The following KALRN variants were observed in gnomAD, a reference collection of about 807,000 sequenced individuals.
KALRN encodes kalirin RhoGEF kinase, also known as kalirin.
Under a neutral mutation model 353.7 loss-of-function variants are expected in KALRN, and 70 were observed. The ratio of observed to expected loss-of-function variants is 0.20; its 90% CI spans 0.16 to 0.24. KALRN has a LOEUF of 0.24. KALRN is among the 10% of genes least tolerant of loss of function. The probability of loss-of-function intolerance (pLI) is 1.00; values close to 1 mark genes in which losing one functional copy is unlikely to be tolerated. For synonymous variants in KALRN, 1,391 were observed against 1,434.8 expected, an observed-to-expected ratio of 0.97 and a Z score of 0.69; for missense variants, 2,791 against 3,756.7, an observed-to-expected ratio of 0.74 and a Z score of 6.72.
intron 1 of KALRN, chr3:124,164,281 T>C (rs2070463538): frequency 6.6e-6 from 1 of 152,250 alleles, no homozygotes; most frequent in East Asian, 1.9e-4. Flanking sequence ...TGCTGCCATA[T>C]TTTCCTGGCA....
chr3:124,541,718 A>C (rs1472240212), intron 33 of KALRN, among the ~76,000 whole-genome samples: 1 of 147,734 alleles, frequency 6.8e-6, no homozygotes, highest in Non-Finnish European at 1.5e-5. Flanking sequence ...CCCCATCTCT[A>C]CTAAAAAAAA....
At chr3:124,717,157 G>A (rs914405093) in intron 58 of KALRN, 90 bp from the exon 59 acceptor site, 2 of 1,277,532 alleles carry the variant, frequency 1.6e-6, no homozygotes, top group Admixed American at 2.4e-5. Context: ...GTATGAGAGA[G>A]TTTAGAGATC....
rs1361569918 is a variant in KALRN at position 124,347,320 on chromosome 3, G to GTGTA, written c.1770+56_1770+57insGTAT. 27 of 1,515,466 alleles carry GTGTA rather than the reference G, an allele frequency of 1.8e-5. 1 individual carries two copies. The East Asian group carries it at 6.1e-4, about 34-fold the overall frequency. The allele number at this position is 1,515,466 out of a possible 1,614,324, so 93.9% of individuals were successfully genotyped here. A position where few individuals can be genotyped will look rare whatever the true frequency, so the allele number is the denominator to read the frequency against. ...TGTGTGTGTGTGTGTGTGTGTGTGT[G>GTGTA]TCTAGATGAGGGAGGCATGATGACT... On this transcript the variant is annotated intron_variant, in intron 10 of 59. Coordinates refer to ENST00000682506, the MANE Select transcript of KALRN (RefSeq NM_001388419.1).
At chr3:124,584,851 A>T (rs1325023225) in intron 34 of KALRN, 7 of 1,607,218 alleles carry the variant, frequency 4.4e-6, no homozygotes, top group Non-Finnish European at 5.9e-6. Flanking sequence ...CTTACACCCG[A>T]GGTCCCTCTT....
At chr3:124,064,596 C>A (rs1370635623) in intron 1 of KALRN, among the ~76,000 whole-genome samples, 7 of 152,168 alleles carry the variant, frequency 4.6e-5, no homozygotes, top group African/African-American at 1.7e-4. Flanking sequence ...ACACTGCCCA[C>A]CTAGGGTTGA....
intron 33 of KALRN, among the ~76,000 whole-genome samples, chr3:124,509,192 T>C (rs1324113803): frequency 2.6e-5 from 4 of 152,162 alleles, no homozygotes; most frequent in African/African-American, 9.7e-5. Flanking sequence ...TGATGTGACA[T>C]ATGAGGCATC....
rs964040040 is a variant in KALRN at position 124,532,579 on chromosome 3, G to A, written c.4936-30264G>A. 3.9e-5 allele frequency among the ~76,000 whole-genome samples: 6 copies of A among 151,952 alleles called. No individual in the cohort carries two copies. In the East Asian group the frequency reaches 1.2e-3, roughly 29 times the overall value. On this transcript the variant is annotated intron_variant, in intron 33 of 59. Coordinates refer to ENST00000682506, the MANE Select transcript of KALRN (RefSeq NM_001388419.1). Reference sequence around the variant, plus strand: ...CCAGCATGCTGGGAGGCTGAGGTGGGCGGATCACTTGAGGTCAGGAGTTCA... The same window carrying A: ...CCAGCATGCTGGGAGGCTGAGGTGGACGGATCACTTGAGGTCAGGAGTTCA...
chr3:124,218,870 T>A (rs2077599106), intron 1 of KALRN, among the ~76,000 whole-genome samples: 2 of 152,242 alleles, frequency 1.3e-5, no homozygotes, highest in South Asian at 4.1e-4. Context: ...TTATTAGTGA[T>A]CTTTAATGGA....
At chr3:124,196,640 T>C (rs2075460515) in intron 1 of KALRN, among the ~76,000 whole-genome samples, 1 of 152,188 alleles carries the variant, frequency 6.6e-6, no homozygotes, top group African/African-American at 2.4e-5. Flanking sequence ...TCTAAATACA[T>C]ACACACATAT....
chr3:124,462,501 A>G lies in KALRN; in HGVS notation c.3922-23A>G, dbSNP rs377525389. The G allele has an allele frequency of 2.1e-6, 3 of 1,399,750 alleles. No individual in the cohort carries two copies. The South Asian group carries it at 3.5e-5, about 16-fold the overall frequency. The allele number at this position is 1,399,750 out of a possible 1,614,324, so 86.7% of individuals were successfully genotyped here. On this transcript the variant is annotated intron_variant, in intron 24 of 59. Transcript: ENST00000682506. ...ATATGGCCTGCCAGACTTGCCAGTG[A>G]TGAAACTGTTACTGTCTTACAGACC...
intron 1 of KALRN, among the ~76,000 whole-genome samples, chr3:124,212,627 G>C (rs1215064130): frequency 6.6e-6 from 1 of 151,980 alleles, no homozygotes; most frequent in African/African-American, 2.4e-5. Context: ...CCTTCACATA[G>C]ACATGCAGAA....
intron 51 of KALRN, among the ~76,000 whole-genome samples, chr3:124,682,945 C>T (rs2150498213): frequency 6.6e-6 from 1 of 152,266 alleles, no homozygotes; most frequent in Non-Finnish European, 1.5e-5. Context: ...CTATGCCATC[C>T]CCTCGTGGCC....
intron 33 of KALRN, among the ~76,000 whole-genome samples, chr3:124,551,764 T>C (rs542474481): frequency 6.6e-5 from 10 of 152,306 alleles, no homozygotes; most frequent in African/African-American, 2.4e-4. Context: ...ACATTCAGCA[T>C]GCATACACGT....
chr3:124,671,325 C>T lies in KALRN; in HGVS notation c.6704-335C>T, dbSNP rs77447092. Among the ~76,000 whole-genome samples, 1,135 of 152,250 alleles carry T rather than the reference C, an allele frequency of 7.5e-3. 8 individuals carry two copies. Among genetic ancestry groups the T allele is most frequent in the Non-Finnish European group, 0.012 (823 of 68,010 alleles). On this transcript the variant is annotated intron_variant, in intron 47 of 59. Transcript: ENST00000682506. ...ACCCTTGACTACTTCCTGTTCCCCT[C>T]GCCAACACGTCACACTTGCTTCCTT...
chr3:124,662,034 T>C (rs2084941821), intron 45 of KALRN, 106 bp downstream of exon 45: 6 of 875,332 alleles, frequency 6.9e-6, no homozygotes, highest in Admixed American at 1.7e-5. Flanking sequence ...TGTGCCTCCT[T>C]CACTCACCAC....
chr3:124,258,834 A>C (rs1328810728), intron 3 of KALRN, among the ~76,000 whole-genome samples: 1 of 152,226 alleles, frequency 6.6e-6, no homozygotes, highest in Non-Finnish European at 1.5e-5. Context: ...AACCAACCAA[A>C]GTTTGAGACC....
intron 9 of KALRN, among the ~76,000 whole-genome samples, chr3:124,335,042 G>A (rs182053668): frequency 1.2e-4 from 19 of 152,194 alleles, no homozygotes; most frequent in Non-Finnish European, 2.5e-4. Flanking sequence ...TGACCCGCCC[G>A]CCTCGGCCTC....
intron 3 of KALRN, among the ~76,000 whole-genome samples, chr3:124,243,294 G>A (rs947874093): frequency 2.6e-5 from 4 of 152,210 alleles, no homozygotes; most frequent in African/African-American, 4.8e-5. Flanking sequence ...TCATGGAAAC[G>A]CTGTGAACAG....
intron 14 of KALRN, among the ~76,000 whole-genome samples, chr3:124,414,414 T>C (rs1486079685): frequency 6.6e-6 from 1 of 152,210 alleles, no homozygotes; most frequent in Non-Finnish European, 1.5e-5. Context: ...CCGGTTCCTG[T>C]TTCTCAGTCT....
Sources: allele counts gnomAD v4.1 joint callset (sites outside exome capture counted in the v4.1 genomes callset), GRCh38; gene constraint gnomAD v4.1.1; transcripts MANE v1.5; gene names NCBI Gene and HGNC (gene_info 2026-07-23, HGNC 2026-07-21).